Variants in AADAT observed in about 807,000 individuals in gnomAD.
AADAT encodes the protein aminoadipate aminotransferase, also known as kynurenine/alpha-aminoadipate aminotransferase, mitochondrial.
Under a neutral mutation model 56.2 loss-of-function variants are expected in AADAT, and 25 were observed. The ratio of observed to expected loss-of-function variants is 0.44; its 90% CI spans 0.32 to 0.62. AADAT has a LOEUF of 0.62. Among genes scored for constraint, AADAT ranks in the 20% least tolerant of loss-of-function variants. The pLI is 0.04. For missense variants in AADAT, 387 were observed against 510.5 expected (o/e 0.76, Z 2.33); for synonymous variants, 173 against 164.7 (o/e 1.05, Z -0.39).
intron 6 of AADAT, 54 bp from the exon 7 acceptor site, chr4:170,069,284 T>C (rs899247510): frequency 2.8e-6 from 4 of 1,428,406 alleles, no homozygotes. Context: ...TTAGTCACTG[T>C]ACGATTATTT....
At chr4:170,091,143 C>T (rs1226175369), upstream of AADAT, among the ~76,000 whole-genome samples, 1 of 152,232 alleles carries the variant, frequency 6.6e-6, no homozygotes. Flanking sequence ...CTTGAGGGGC[C>T]CTTCAGCCCG....
In AADAT at chr4:170,070,566, TA is replaced by T; in HGVS notation, c.720+20del. The T allele has an allele frequency of 6.4e-7, 1 of 1,551,314 alleles. No individual in the cohort carries two copies. Among genetic ancestry groups the T allele is most frequent in the Non-Finnish European group, 8.9e-7 (1 of 1,128,786 alleles). The stretch of plus-strand genomic sequence containing the variant: ...AACAACTTATCTTCTAATAGTGAAG[TA>T]AGTTCACATAATCACTTACCTTGTT... On this transcript the variant is annotated intron_variant, in intron 6 of 12. Coordinates refer to ENST00000337664, the MANE Select transcript of AADAT (RefSeq NM_016228.4).
intron 10 of AADAT, among the ~76,000 whole-genome samples, chr4:170,065,458 C>T (rs776371890): frequency 3.3e-5 from 5 of 150,902 alleles, no homozygotes; most frequent in Non-Finnish European, 7.4e-5. Context: ...TTCTTCAGTA[C>T]TATTATGCAA....
chr4:170,062,631 TA>T (rs1731250084), intron 11 of AADAT, among the ~76,000 whole-genome samples: 1 of 152,232 alleles, frequency 6.6e-6, no homozygotes, highest in South Asian at 2.1e-4. Context: ...TCACTGACTG[TA>T]AGCTCCATTT....
At chr4:170,084,982 T>C (rs896953054) in intron 3 of AADAT, among the ~76,000 whole-genome samples, 4 of 152,182 alleles carry the variant, frequency 2.6e-5, no homozygotes, top group Non-Finnish European at 4.4e-5. Flanking sequence ...ACCCCTCCTC[T>C]TCCTCCTTCT....
At chr4:170,076,607 T>C (rs1732046918) in intron 4 of AADAT, among the ~76,000 whole-genome samples, 1 of 152,224 alleles carries the variant, frequency 6.6e-6, no homozygotes, top group South Asian at 2.1e-4. Flanking sequence ...TCTTTATATG[T>C]TCTGGTTATT....
At chr4:170,064,979 G>A (rs1241136713) in intron 10 of AADAT, among the ~76,000 whole-genome samples, 154 bp from the exon 11 acceptor site, 2 of 152,004 alleles carry the variant, frequency 1.3e-5, no homozygotes, top group African/African-American at 2.4e-5. Context: ...ATCATTTTGT[G>A]AGCCTTCAAA....
Position 170,060,805 on chromosome 4 carries a change from A to G in AADAT, c.*123T>C, listed in dbSNP as rs1731154043. 7.3e-6 allele frequency: 5 copies of G among 682,010 alleles called. No individual in the cohort carries two copies. Among genetic ancestry groups the G allele is most frequent in the South Asian group, 2.3e-5 (1 of 43,158 alleles). 42.2% of individuals were successfully genotyped at this position (682,010 alleles called of 1,614,324 possible). On this transcript the variant is annotated 3_prime_UTR_variant, in exon 13 of 13. Coordinates refer to ENST00000337664, the MANE Select transcript of AADAT (RefSeq NM_016228.4). ...CCAGAGTGCATGCAGGCCAGAGTGCAGTGGTGTGATCGTAGCTTACTGCAG... is the reference window on the plus strand; with the variant it reads ...CCAGAGTGCATGCAGGCCAGAGTGCGGTGGTGTGATCGTAGCTTACTGCAG...
At chr4:170,081,654 A>G (rs1318713806) in intron 3 of AADAT, among the ~76,000 whole-genome samples, 1 of 152,196 alleles carries the variant, frequency 6.6e-6, no homozygotes, top group African/African-American at 2.4e-5. Context: ...GAGAAATGAC[A>G]TTTTCAAAGT....
chr4:170,085,172 A>C (rs142306188), intron 3 of AADAT, among the ~76,000 whole-genome samples: 1 of 152,308 alleles, frequency 6.6e-6, no homozygotes, highest in Non-Finnish European at 1.5e-5. Flanking sequence ...GTGTTAATTG[A>C]CTATATTATC....
intron 1 of AADAT, among the ~76,000 whole-genome samples, chr4:170,088,791 C>T (rs764773841): frequency 4.6e-5 from 7 of 152,042 alleles, no homozygotes; most frequent in Non-Finnish European, 8.8e-5. Flanking sequence ...AGGAGGGATC[C>T]ACCCTCCTGA....
At chr4:170,089,004 T>C (rs1363470750) in intron 1 of AADAT, among the ~76,000 whole-genome samples, 1 of 152,206 alleles carries the variant, frequency 6.6e-6, no homozygotes, top group Non-Finnish European at 1.5e-5. Context: ...GAGAAATAAT[T>C]CTATTGTTCA....
Position 170,088,483 on chromosome 4 carries a change from G to C in AADAT, c.149C>G (p.Thr50Ser). Residue 50 changes from threonine to serine, a missense_variant, in exon 2 of 13, where the codon ACT becomes AGT. By Grantham distance (58) the Thr-to-Ser change is moderately conservative (BLOSUM62 1). Transcript: ENST00000337664. The stretch of plus-strand genomic sequence containing the variant: ...TCCATTTTCTACAGTGATTACGGCA[G>C]TCTTAAAAGGAAACATGTTTGGATT... ...LPNPNMFPFK[T>S]AVITVENGKT... is the part of the protein sequence containing the mutation. 6.2e-7 allele frequency: 1 copy of C among 1,613,816 alleles called. No homozygotes were observed. The highest frequency in any genetic ancestry group is 1.1e-5 in the South Asian group (1 of 91,064).
At chr4:170,070,819 C>T (rs1731722201) in intron 5 of AADAT, among the ~76,000 whole-genome samples, 167 bp from the exon 6 acceptor site, 1 of 152,178 alleles carries the variant, frequency 6.6e-6, no homozygotes, top group Non-Finnish European at 1.5e-5. Context: ...GCATTAAAGG[C>T]TCTTATTCTC....
intron 4 of AADAT, among the ~76,000 whole-genome samples, chr4:170,077,500 TAAA>T: frequency 6.6e-6 from 1 of 152,114 alleles, no homozygotes; most frequent in East Asian, 1.9e-4. Flanking sequence ...TTGATTTTCA[TAAA>T]AATAAAATAA....
At chr4:170,093,470 A>G (rs776446629), upstream of AADAT, among the ~76,000 whole-genome samples, 4 of 152,284 alleles carry the variant, frequency 2.6e-5, no homozygotes, top group Admixed American at 6.5e-5. Flanking sequence ...TCCATTTGGT[A>G]GTAGGAACCT....
chr4:170,071,593 G>A (rs1326537683), intron 5 of AADAT, among the ~76,000 whole-genome samples: 2 of 152,200 alleles, frequency 1.3e-5, no homozygotes, highest in East Asian at 3.9e-4. Context: ...CCGGAGGGCT[G>A]TAAACAGGAG....
At chr4:170,069,349 C>T in intron 6 of AADAT, 119 bp from the exon 7 acceptor site, 5 of 701,354 alleles carry the variant, frequency 7.1e-6, no homozygotes, top group South Asian at 4.3e-5. Context: ...CAAATATTCT[C>T]TTACCTTTAT....
At chr4:170,067,644 G>T (rs925914388) in intron 8 of AADAT, among the ~76,000 whole-genome samples, 19 of 152,260 alleles carry the variant, frequency 1.2e-4, no homozygotes, top group African/African-American at 4.6e-4. Flanking sequence ...TTTACCAAAT[G>T]TAATCTCTAT....
Sources: allele counts gnomAD v4.1 joint callset (sites outside exome capture counted in the v4.1 genomes callset), GRCh38; gene constraint gnomAD v4.1.1; transcripts MANE v1.5; gene names NCBI Gene and HGNC (gene_info 2026-07-23, HGNC 2026-07-21).